VPS13D: variants seen among roughly 807,000 people sequenced by gnomAD.
VPS13D encodes the protein intermembrane lipid transfer protein VPS13D.
In VPS13D, 187 loss-of-function variants were observed where a neutral mutation model predicts 461.9. The observed-to-expected ratio is 0.40, with a 90% confidence interval of 0.36 to 0.46. The LOEUF is 0.46. VPS13D is among the 20% of genes least tolerant of loss of function. VPS13D has a pLI of 0.60. For synonymous variants in VPS13D, 1,951 were observed against 1,986.3 expected, an observed-to-expected ratio of 0.98 and a Z score of 0.47; for missense variants, 4,711 against 5,364.9, an observed-to-expected ratio of 0.88 and a Z score of 3.81.
rs906841627 is a variant in VPS13D, at chr1:12,299,619, A to G, written c.6216+235A>G. ...TAGAATTTTTTTTGACATTTTATTG[A>G]TATTTCAATTAACCTTATGAATTGA... On this transcript the variant is annotated intron_variant, in intron 25 of 69. Transcript: ENST00000620676. This position sits in a 1 kb window ranked among gnomAD's most constrained non-coding sequence, Gnocchi z 4.2. 1.3e-5 allele frequency among the ~76,000 whole-genome samples: 2 copies of G among 151,910 alleles called. No individual in the cohort carries two copies. The highest frequency in any genetic ancestry group is 6.6e-5 in the Admixed American group (1 of 15,252).
chr1:12,359,973 G>A (rs1643925831), intron 50 of VPS13D, among the ~76,000 whole-genome samples: 2 of 152,234 alleles, frequency 1.3e-5, no homozygotes, highest in African/African-American at 2.4e-5. Context: ...ACTGGAAGCT[G>A]TAGTTGGGAC....
chr1:12,313,700 T>C (rs555231377), intron 29 of VPS13D, among the ~76,000 whole-genome samples: 2 of 152,230 alleles, frequency 1.3e-5, no homozygotes, highest in South Asian at 4.1e-4. Context: ...ACATAAACAG[T>C]TGGACAGACC....
intron 40 of VPS13D, among the ~76,000 whole-genome samples, chr1:12,340,536 C>A (rs1365469794): frequency 6.6e-6 from 1 of 152,194 alleles, no homozygotes; most frequent in African/African-American, 2.4e-5. Context: ...ACAGTCCCAG[C>A]CTCAGTCTGG....
chr1:12,370,612 T>C (rs1384756035), intron 54 of VPS13D, among the ~76,000 whole-genome samples: 4 of 152,234 alleles, frequency 2.6e-5, no homozygotes, highest in Admixed American at 2.6e-4. Context: ...TCTTTCTTTG[T>C]CTGTTGACGT....
At chr1:12,255,745 G>C (rs1640899537) in intron 7 of VPS13D, among the ~76,000 whole-genome samples, 1 of 151,786 alleles carries the variant, frequency 6.6e-6, no homozygotes. Context: ...AAAAAAATTA[G>C]CTGGGCATGG....
chr1:12,244,406 A>C lies in VPS13D; in HGVS notation c.336A>C (p.Ala112=), dbSNP rs780440511. Residue 112 remains alanine (A), a synonymous_variant, in exon 4 of 70, where the codon GCA becomes GCC. Coordinates refer to ENST00000620676, the MANE Select transcript of VPS13D (RefSeq NM_015378.4). ...TGTTGGAAAGGGAACGTAAGAAAGC[A>C]CTACTTCAAGCCCTGGAGGAGAAAT... ...EKLLERERKK[A]LLQALEEKWK... is the part of the protein sequence containing the mutation. 6.2e-7 allele frequency: 1 copy of C among 1,614,202 alleles called. No individual in the cohort carries two copies. Among genetic ancestry groups the C allele is most frequent in the Non-Finnish European group, 8.5e-7 (1 of 1,180,036 alleles).
chr1:12,351,945 T>G (rs1298392511), intron 46 of VPS13D, among the ~76,000 whole-genome samples: 1 of 151,694 alleles, frequency 6.6e-6, no homozygotes, highest in Non-Finnish European at 1.5e-5. Context: ...CCCAGAAATT[T>G]AAGATTAGCT....
At chr1:12,289,276 T>C (rs889468425) in intron 22 of VPS13D, among the ~76,000 whole-genome samples, 1 of 152,134 alleles carries the variant, frequency 6.6e-6, no homozygotes. Context: ...AGAGACAGGG[T>C]TTCGCCATGT....
intron 63 of VPS13D, among the ~76,000 whole-genome samples, chr1:12,408,861 C>T (rs894791606): frequency 2.0e-5 from 3 of 152,202 alleles, no homozygotes. Flanking sequence ...TCTGTTGCTT[C>T]TCTGCCTATT....
At chr1:12,357,169 G>A (rs117731023) in intron 49 of VPS13D, among the ~76,000 whole-genome samples, 397 of 152,230 alleles carry the variant, frequency 2.6e-3, no homozygotes, top group Non-Finnish European at 4.8e-3. Context: ...AAGATAAATG[G>A]GTGTATCCAA....
At chr1:12,387,930 A>T (rs1644369891) in intron 60 of VPS13D, among the ~76,000 whole-genome samples, 1 of 152,244 alleles carries the variant, frequency 6.6e-6, no homozygotes, top group Admixed American at 6.5e-5. Context: ...TAAAGTACTG[A>T]AAGGTATCAG....
At chr1:12,358,351 G>C (rs1404659633) in intron 49 of VPS13D, 108 bp from the exon 50 acceptor site, 2 of 1,409,808 alleles carry the variant, frequency 1.4e-6, no homozygotes, top group Admixed American at 2.1e-5. Flanking sequence ...AGAGTCAGTG[G>C]TAGAGATGGA....
At chr1:12,309,212 CTTTT>C (rs201262655) in intron 27 of VPS13D, among the ~76,000 whole-genome samples, 2 of 131,044 alleles carry the variant, frequency 1.5e-5, no homozygotes. Flanking sequence ...TCTTTTTTTT[CTTTT>C]TTTTTTTTTT....
At chr1:12,388,505 T>G (rs1570069195) in intron 60 of VPS13D, among the ~76,000 whole-genome samples, 1 of 145,238 alleles carries the variant, frequency 6.9e-6, no homozygotes, top group Non-Finnish European at 1.5e-5. Context: ...ACCTAGGAGG[T>G]GGAGGTTGCA....
At chr1:12,440,745 G>A (rs1165330059) in intron 65 of VPS13D, among the ~76,000 whole-genome samples, 2 of 152,050 alleles carry the variant, frequency 1.3e-5, no homozygotes, top group Non-Finnish European at 2.9e-5. Flanking sequence ...ACGTGGTGGT[G>A]GACACCTGTA....
chr1:12,404,912 T>C (rs764674464), intron 63 of VPS13D, among the ~76,000 whole-genome samples: 9 of 152,212 alleles, frequency 5.9e-5, no homozygotes, highest in Non-Finnish European at 1.0e-4. Flanking sequence ...TCTGTTGCAC[T>C]TAAAGATAAT....
At position 12,283,348 on chromosome 1, in the gene VPS13D, A is replaced by C; in HGVS notation, c.5246A>C (p.Lys1749Thr). The C allele has an allele frequency of 2.5e-6, 4 of 1,614,170 alleles. No homozygotes were observed. The highest frequency in any genetic ancestry group is 3.4e-6 in the Non-Finnish European group (4 of 1,180,020). ...YQRPTSASRKKQKEVQDKDYP... is the reference protein window; with the variant it reads ...YQRPTSASRKTQKEVQDKDYP... ...AGGCCCACCTCTGCGTCCCGGAAAA[A>C]GCAAAAGGAAGTCCAAGACAAGGAC... The change falls in exon 21 of 70, where the codon AAG (lysine) becomes ACG (threonine). Residue 1749 changes from lysine (K) to threonine (T), a missense_variant. Physicochemically the swap from Lys to Thr is moderately conservative, Grantham distance 78. Around this residue, in one of 3 missense-constraint regions of VPS13D, gnomAD observed 4,411 missense variants for 4,937.8 expected, o/e 0.89. Coordinates refer to ENST00000620676, the MANE Select transcript of VPS13D (RefSeq NM_015378.4).
chr1:12,407,102 C>T (rs1159208507), intron 63 of VPS13D, among the ~76,000 whole-genome samples: 1 of 152,150 alleles, frequency 6.6e-6, no homozygotes, highest in Non-Finnish European at 1.5e-5. Flanking sequence ...AAAAAAGATC[C>T]AGTATTGTTA....
intron 67 of VPS13D, among the ~76,000 whole-genome samples, chr1:12,485,097 G>T (rs2100501594): frequency 6.6e-6 from 1 of 152,292 alleles, no homozygotes; most frequent in Non-Finnish European, 1.5e-5. Context: ...TAACCAAATG[G>T]ACTTTAACTG....
Sources: gnomAD v4.1 joint callset for allele counts (sites outside exome capture counted in the v4.1 genomes callset) on GRCh38, gnomAD v4.1.1 for gene constraint, gnomAD v4.1.1 regional missense constraint, Gnocchi (gnomAD v3.1) non-coding constraint, MANE v1.5 for transcripts, NCBI Gene and HGNC (gene_info 2026-07-23, HGNC 2026-07-21) for gene names.